NELL1: variants seen among roughly 807,000 people sequenced by gnomAD.
NELL1 encodes the protein neural EGFL like 1.
A neutral mutation model predicts 107.4 loss-of-function variants in NELL1; 76 were observed. The observed-to-expected ratio is 0.71, with a 90% CI of 0.59 to 0.86. The LOEUF is 0.86. NELL1 is among the 40% of genes least tolerant of loss of function. The pLI, the probability that NELL1 is intolerant of heterozygous loss-of-function variation, is 0.00. For missense variants in NELL1, 1,024 were observed against 1,005.5 expected (o/e 1.02, Z -0.25); for synonymous variants, 353 against 341.2 (o/e 1.03, Z -0.38).
intron 12 of NELL1, among the ~76,000 whole-genome samples, chr11:20,981,958 C>T (rs1851759340): frequency 9.7e-6 from 1 of 103,052 alleles, no homozygotes; most frequent in Admixed American, 1.1e-4. Flanking sequence ...CTCTCTCTTT[C>T]TCTCTCTCTC....
intron 12 of NELL1, among the ~76,000 whole-genome samples, chr11:20,962,555 G>C (rs1851311538): frequency 6.6e-6 from 1 of 152,192 alleles, no homozygotes; most frequent in South Asian, 2.1e-4. Flanking sequence ...AGACAAAACT[G>C]CTGGTGCTAA....
chr11:21,260,091 C>T (rs1858867607), intron 14 of NELL1: 1 of 151,852 alleles, frequency 6.6e-6, no homozygotes, highest in African/African-American at 2.4e-5. Flanking sequence ...GAAAACCTGG[C>T]CCATTATATT....
At chr11:21,052,079 G>A (rs1386686692) in intron 12 of NELL1, among the ~76,000 whole-genome samples, 1 of 152,144 alleles carries the variant, frequency 6.6e-6, no homozygotes, top group African/African-American at 2.4e-5. Flanking sequence ...CCTGCATAGA[G>A]TGAGTGAGCT....
intron 3 of NELL1, among the ~76,000 whole-genome samples, chr11:20,831,197 C>G (rs556718936): frequency 1.0e-3 from 156 of 152,304 alleles, no homozygotes; most frequent in Non-Finnish European, 1.8e-3. Flanking sequence ...ACCTGCACAT[C>G]TTAACAATCG....
intron 3 of NELL1, among the ~76,000 whole-genome samples, chr11:20,843,451 G>C (rs1848652149): frequency 1.6e-5 from 2 of 126,262 alleles, no homozygotes; most frequent in Admixed American, 1.6e-4. Context: ...TTTAGTGCTG[G>C]ATGCTATCTA....
chr11:21,281,935 G>A (rs1849004438), intron 14 of NELL1, among the ~76,000 whole-genome samples: 1 of 152,148 alleles, frequency 6.6e-6, no homozygotes, highest in Non-Finnish European at 1.5e-5. Context: ...ATTTGCCTGG[G>A]CAAAAATTCT....
intron 2 of NELL1, among the ~76,000 whole-genome samples, chr11:20,687,649 T>C (rs1485075663): frequency 1.3e-5 from 2 of 152,006 alleles, no homozygotes; most frequent in East Asian, 3.9e-4. Flanking sequence ...TGTAGTGCAG[T>C]GGCACAGTCT....
chr11:20,963,624 C>T (rs764320893), intron 12 of NELL1, among the ~76,000 whole-genome samples: 14 of 152,208 alleles, frequency 9.2e-5, no homozygotes, highest in African/African-American at 1.2e-4. Flanking sequence ...TTGAAGTGAT[C>T]GGGTAGACAA....
At position 21,372,562 on chromosome 11, in the gene NELL1, A is replaced by C. The variant is rs369493665; in HGVS notation, c.1645+1614A>C. Reference sequence around the variant, plus strand: ...TATGCAATTATTAGAACTGAGAATAAAACACAGTTGTATCTCACAAAGCCT... The same window carrying C: ...TATGCAATTATTAGAACTGAGAATACAACACAGTTGTATCTCACAAAGCCT... On this transcript the variant is annotated intron_variant, in intron 15 of 19. Coordinates refer to ENST00000357134, the MANE Select transcript of NELL1 (RefSeq NM_006157.5). Among the ~76,000 whole-genome samples the C allele has an allele frequency of 1.6e-3, 240 of 152,132 alleles. 9 individuals are homozygous for C. The South Asian group carries it at 0.049, about 31-fold the overall frequency.
At chr11:21,327,374 C>A (rs1481053036) in intron 14 of NELL1, among the ~76,000 whole-genome samples, 1 of 152,004 alleles carries the variant, frequency 6.6e-6, no homozygotes, top group Non-Finnish European at 1.5e-5. Flanking sequence ...TTATAAGGGG[C>A]TTTTCCCCAT....
At chr11:20,699,148 C>T (rs554905091) in intron 2 of NELL1, among the ~76,000 whole-genome samples, 81 of 151,420 alleles carry the variant, frequency 5.3e-4, no homozygotes, top group Non-Finnish European at 9.3e-4. Flanking sequence ...ACCCAGGAGG[C>T]GGAGGTTGTA....
At chr11:21,078,544 A>T (rs1854194466) in intron 12 of NELL1, among the ~76,000 whole-genome samples, 1 of 152,182 alleles carries the variant, frequency 6.6e-6, no homozygotes, top group Non-Finnish European at 1.5e-5. Context: ...ACCGCAAGGG[A>T]AAATGAATGC....
At chr11:20,826,886 G>A (rs1400774558) in intron 3 of NELL1, among the ~76,000 whole-genome samples, 2 of 151,206 alleles carry the variant, frequency 1.3e-5, no homozygotes, top group Non-Finnish European at 3.0e-5. Flanking sequence ...GAGTTGAAGG[G>A]AAGGGAACTA....
intron 13 of NELL1, among the ~76,000 whole-genome samples, chr11:21,130,667 A>G (rs1023050465): frequency 2.0e-5 from 3 of 152,196 alleles, no homozygotes; most frequent in African/African-American, 7.2e-5. Flanking sequence ...TAAATAATTC[A>G]GATAAGAAAA....
At chr11:21,039,857 C>T (rs1035148284) in intron 12 of NELL1, among the ~76,000 whole-genome samples, 2 of 152,038 alleles carry the variant, frequency 1.3e-5, no homozygotes, top group South Asian at 2.1e-4. Flanking sequence ...ATTCTATTAA[C>T]CCACACCTTT....
intron 12 of NELL1, among the ~76,000 whole-genome samples, chr11:21,074,623 T>C (rs1402543389): frequency 6.6e-6 from 1 of 152,182 alleles, no homozygotes; most frequent in Non-Finnish European, 1.5e-5. Flanking sequence ...TAATGCTAGG[T>C]TCAGTCCTCC....
rs2134376323 is a variant in NELL1, at chr11:21,069,523, C to A, written c.1301-44066C>A. On this transcript the variant is annotated intron_variant, in intron 12 of 19. Transcript: ENST00000357134. Reference sequence around the variant, plus strand: ...GGAGGGAGGAGGAATGGAAGGGAAGCAACATGGGGAGTAAAATCTATGCAT... The same window carrying A: ...GGAGGGAGGAGGAATGGAAGGGAAGAAACATGGGGAGTAAAATCTATGCAT... 2.0e-5 allele frequency among the ~76,000 whole-genome samples: 3 copies of A among 152,198 alleles called. No homozygotes were observed. In the East Asian group the frequency reaches 5.8e-4, roughly 29 times the overall value.
At chr11:20,984,772 G>A (rs756023900) in intron 12 of NELL1, among the ~76,000 whole-genome samples, 7 of 151,990 alleles carry the variant, frequency 4.6e-5, no homozygotes, top group African/African-American at 7.3e-5. Flanking sequence ...TTATGATGAT[G>A]GGTCATTTGC....
At chr11:20,808,782 G>C (rs953843638) in intron 3 of NELL1, among the ~76,000 whole-genome samples, 3 of 152,188 alleles carry the variant, frequency 2.0e-5, no homozygotes, top group Non-Finnish European at 4.4e-5. Context: ...GCAGCGCTGA[G>C]TTCCAATGCA....
Sources: gnomAD v4.1 joint callset for allele counts (sites outside exome capture counted in the v4.1 genomes callset) on GRCh38, gnomAD v4.1.1 for gene constraint, MANE v1.5 for transcripts, NCBI Gene and HGNC (gene_info 2026-07-23, HGNC 2026-07-21) for gene names.